IGSF21: variants seen among roughly 807,000 people sequenced by gnomAD.
IGSF21 encodes the protein immunoglobin superfamily member 21, also known as immunoglobulin superfamily member 21.
In IGSF21, 28 loss-of-function variants were observed where a neutral mutation model predicts 46.8. The observed-to-expected ratio is 0.60, with a 90% CI of 0.44 to 0.82. The LOEUF is 0.82. Among genes scored for constraint, IGSF21 ranks in the 40% least tolerant of loss-of-function variants. The pLI, the probability that IGSF21 is intolerant of heterozygous loss-of-function variation, is 0.00. For missense variants in IGSF21, 624 were observed against 665.5 expected, an observed-to-expected ratio of 0.94 and a Z score of 0.69; for synonymous variants, 284 against 273.6, an observed-to-expected ratio of 1.04 and a Z score of -0.38.
intron 3 of IGSF21, among the ~76,000 whole-genome samples, chr1:18,317,808 C>A (rs969847581): frequency 6.6e-6 from 1 of 152,208 alleles, no homozygotes; most frequent in African/African-American, 2.4e-5. Flanking sequence ...CAGGCACCGT[C>A]CTAAGTGCCT....
At chr1:18,372,216 T>G (rs1453599883) in intron 6 of IGSF21, among the ~76,000 whole-genome samples, 2 of 152,228 alleles carry the variant, frequency 1.3e-5, no homozygotes, top group African/African-American at 4.8e-5. Context: ...GTTAATTAAT[T>G]AATGCTTTTC....
At chr1:18,157,305 C>T (rs971987702) in intron 1 of IGSF21, among the ~76,000 whole-genome samples, 2 of 152,298 alleles carry the variant, frequency 1.3e-5, no homozygotes, top group Middle Eastern at 3.4e-3. Flanking sequence ...GCTGTCTGTC[C>T]CCTGGCCATG....
At chr1:18,338,556 C>A (rs1444879905) in intron 4 of IGSF21, among the ~76,000 whole-genome samples, 1 of 152,204 alleles carries the variant, frequency 6.6e-6, no homozygotes, top group Non-Finnish European at 1.5e-5. Flanking sequence ...TGCCTCAAAG[C>A]ACAGAGCAGT....
At chr1:18,249,263 G>A (rs932286606) in intron 2 of IGSF21, among the ~76,000 whole-genome samples, 4 of 152,166 alleles carry the variant, frequency 2.6e-5, no homozygotes, top group Non-Finnish European at 4.4e-5. Flanking sequence ...AGGGGAGGGT[G>A]GGAGGTGTAA....
intron 6 of IGSF21, among the ~76,000 whole-genome samples, chr1:18,367,858 GC>G: frequency 6.6e-6 from 1 of 151,814 alleles, no homozygotes; most frequent in East Asian, 1.9e-4. Context: ...ACCTGCCTCG[GC>G]CTCCAAAGTG....
intron 6 of IGSF21, among the ~76,000 whole-genome samples, chr1:18,370,362 G>T (rs2086212683): frequency 6.6e-6 from 1 of 152,144 alleles, no homozygotes; most frequent in South Asian, 2.1e-4. Context: ...GGAAAGAGAA[G>T]TTCTCTTAAA....
intron 1 of IGSF21, among the ~76,000 whole-genome samples, chr1:18,123,666 C>CA (rs2086252970): frequency 6.6e-6 from 1 of 151,944 alleles, no homozygotes; most frequent in Non-Finnish European, 1.5e-5. Flanking sequence ...TTGAAGGATG[C>CA]ATAGGAGTTT....
chr1:18,313,750 G>A (rs1204475595), intron 3 of IGSF21, among the ~76,000 whole-genome samples: 2 of 152,130 alleles, frequency 1.3e-5, no homozygotes, highest in African/African-American at 2.4e-5. Flanking sequence ...CCTGCCGAGT[G>A]CTTGCCTGAG....
intron 2 of IGSF21, among the ~76,000 whole-genome samples, chr1:18,287,784 C>T (rs1048456358): frequency 6.6e-6 from 1 of 152,200 alleles, no homozygotes; most frequent in African/African-American, 2.4e-5. Context: ...TCCCTGCTCT[C>T]TGCACCCCAC....
intron 1 of IGSF21, among the ~76,000 whole-genome samples, chr1:18,164,976 C>A (rs2086664844): frequency 6.8e-6 from 1 of 146,178 alleles, no homozygotes; most frequent in Non-Finnish European, 1.5e-5. Flanking sequence ...TGAGTGAGAA[C>A]ATGCGGTGTT....
At chr1:18,217,107 G>C (rs2084457072) in intron 1 of IGSF21, among the ~76,000 whole-genome samples, 1 of 152,242 alleles carries the variant, frequency 6.6e-6, no homozygotes, top group Non-Finnish European at 1.5e-5. Flanking sequence ...CCAGCTAGTG[G>C]AGCTGCTGCC....
chr1:18,335,551 A>C lies in IGSF21; in HGVS notation c.424+541A>C, dbSNP rs2085757925. ...TTGGGTAAGTCTATCCCCATCCCAG[A>C]CTCAGTTTTCCCATGTGTAAAACAA... is the stretch of plus-strand genomic sequence containing the variant. On this transcript the variant is annotated intron_variant, in intron 4 of 9. Coordinates refer to ENST00000251296, the MANE Select transcript of IGSF21 (RefSeq NM_032880.5). The surrounding 1 kb of genome is among the most constrained non-coding windows in gnomAD (Gnocchi z 4.8). 6.6e-6 allele frequency among the ~76,000 whole-genome samples: 1 copy of C among 152,014 alleles called. No homozygotes were observed. The highest frequency in any genetic ancestry group is 2.1e-4 in the South Asian group (1 of 4,806).
chr1:18,199,406 C>T (rs1039994652), intron 1 of IGSF21, among the ~76,000 whole-genome samples: 7 of 152,166 alleles, frequency 4.6e-5, no homozygotes, highest in African/African-American at 9.7e-5. Flanking sequence ...TCAGATATCC[C>T]CATTACAACA....
chr1:18,279,067 G>A (rs546731672), intron 2 of IGSF21, among the ~76,000 whole-genome samples: 15 of 152,280 alleles, frequency 9.9e-5, no homozygotes, highest in South Asian at 8.3e-4. Flanking sequence ...GGGATCAAAC[G>A]AGAAGCAGTG....
chr1:18,326,748 G>T (rs76544468), intron 3 of IGSF21, among the ~76,000 whole-genome samples: 3,725 of 152,224 alleles, frequency 0.024, 94 homozygotes, highest in African/African-American at 0.063. Context: ...CCTTCCTCCT[G>T]TCTGGGTCTG....
chr1:18,190,570 TA>T (rs1406094785), intron 1 of IGSF21, among the ~76,000 whole-genome samples: 1 of 152,210 alleles, frequency 6.6e-6, no homozygotes, highest in African/African-American at 2.4e-5. Flanking sequence ...GTGGGGCCGA[TA>T]AGCCTGTCTT....
At chr1:18,203,363 C>T (rs1388111863) in intron 1 of IGSF21, among the ~76,000 whole-genome samples, 1 of 152,178 alleles carries the variant, frequency 6.6e-6, no homozygotes, top group Non-Finnish European at 1.5e-5. Flanking sequence ...GGCTGGAGTG[C>T]AGTGGCGCGA....
At chr1:18,324,515 C>T (rs912909541) in intron 3 of IGSF21, among the ~76,000 whole-genome samples, 1 of 152,194 alleles carries the variant, frequency 6.6e-6, no homozygotes, top group Admixed American at 6.5e-5. Flanking sequence ...GTGGCCCGGC[C>T]GCTTCTTCCC....
chr1:18,112,631 C>G (rs1186214688), intron 1 of IGSF21: 1 of 152,342 alleles, frequency 6.6e-6, no homozygotes, highest in Non-Finnish European at 1.5e-5. Flanking sequence ...TGCTTCCTCC[C>G]TCCATGCTCT....
Sources: allele counts gnomAD v4.1 joint callset (sites outside exome capture counted in the v4.1 genomes callset), GRCh38; gene constraint gnomAD v4.1.1; non-coding constraint Gnocchi (gnomAD v3.1); transcripts MANE v1.5; gene names NCBI Gene and HGNC (gene_info 2026-07-23, HGNC 2026-07-21).